Variants in KCNMA1 observed in about 807,000 individuals in gnomAD.
The protein encoded by KCNMA1 is potassium calcium-activated channel subfamily M alpha 1, also known as Calcium-activated potassium channel subunit alpha-1.
A neutral mutation model predicts 140.0 loss-of-function variants in KCNMA1; 29 were observed. The observed-to-expected ratio is 0.21, with a 90% confidence interval of 0.15 to 0.28. The LOEUF (loss-of-function observed/expected upper bound fraction) is 0.28, where lower values mean the gene tolerates loss of function less well. Among genes scored for constraint, KCNMA1 ranks in the 10% least tolerant of loss-of-function variants. The probability of loss-of-function intolerance (pLI) is 1.00; values close to 1 mark genes in which losing one functional copy is unlikely to be tolerated. For missense variants in KCNMA1, 880 were observed against 1,602.2 expected (o/e 0.55, Z 7.70); for synonymous variants, 612 against 611.9 (o/e 1.00, Z 0.00).
intron 2 of KCNMA1, among the ~76,000 whole-genome samples, chr10:77,287,220 A>G (rs181460573): frequency 2.6e-4 from 40 of 152,352 alleles, no homozygotes; most frequent in Admixed American, 2.1e-3. Flanking sequence ...CTCTCCGTGC[A>G]CTGAGACCCT....
At chr10:76,954,048 ATTC>A (rs2067242909) in intron 20 of KCNMA1, 124 bp from the exon 21 acceptor site, 4 of 1,079,310 alleles carry the variant, frequency 3.7e-6, no homozygotes, top group Admixed American at 4.0e-5. Flanking sequence ...ACTGAAGGCC[ATTC>A]TTCTGCTTAC....
intron 14 of KCNMA1, chr10:77,064,102 C>T (rs780448203): frequency 6.1e-6 from 6 of 985,306 alleles, no homozygotes; most frequent in Non-Finnish European, 6.0e-6. Context: ...TTTGTTCAGT[C>T]CATGCCAAGA....
intron 20 of KCNMA1, among the ~76,000 whole-genome samples, chr10:76,964,224 C>A (rs1471565182): frequency 3.9e-5 from 6 of 152,004 alleles, no homozygotes; most frequent in African/African-American, 1.4e-4. Flanking sequence ...TGTAGCCACC[C>A]TGGCAGAACT....
intron 9 of KCNMA1, among the ~76,000 whole-genome samples, chr10:77,093,020 C>A (rs1298018224): frequency 1.3e-5 from 2 of 152,144 alleles, no homozygotes; most frequent in African/African-American, 2.4e-5. Context: ...TATTCCAATG[C>A]AATCAATATT....
chr10:77,343,065 G>A (rs1448504492), intron 2 of KCNMA1, among the ~76,000 whole-genome samples: 1 of 152,032 alleles, frequency 6.6e-6, no homozygotes, highest in Non-Finnish European at 1.5e-5. Context: ...ATGTCTCCTG[G>A]GCTTAAGGAA....
chr10:77,225,781 A>T (rs1384566504), intron 3 of KCNMA1, among the ~76,000 whole-genome samples: 1 of 152,192 alleles, frequency 6.6e-6, no homozygotes, highest in African/African-American at 2.4e-5. Flanking sequence ...TGCCGAATGG[A>T]GGAGCGTGGC....
At position 77,466,178 on chromosome 10, in the gene KCNMA1, T is replaced by C. The variant is rs575584893; in HGVS notation, c.379-62155A>G. On this transcript the variant is annotated intron_variant, in intron 1 of 27. Coordinates refer to ENST00000286628, the MANE Select transcript of KCNMA1 (RefSeq NM_001161352.2). ...CCCTCACTCCTCGATCCTCAGTGCC[T>C]AGCATGGACTCTCCACACCCACTCT... Among the ~76,000 whole-genome samples the C allele has an allele frequency of 3.3e-5, 5 of 152,256 alleles. No homozygotes were observed. The South Asian group carries it at 1.0e-3, about 32-fold the overall frequency.
chr10:77,470,242 G>A (rs1211886601), intron 1 of KCNMA1, among the ~76,000 whole-genome samples: 4 of 152,136 alleles, frequency 2.6e-5, no homozygotes, highest in Admixed American at 6.5e-5. Context: ...CCTGAGACAT[G>A]TACTGTATTA....
chr10:77,434,673 G>T (rs1369769182), intron 1 of KCNMA1, among the ~76,000 whole-genome samples: 2 of 152,214 alleles, frequency 1.3e-5, no homozygotes, highest in Non-Finnish European at 2.9e-5. Context: ...ACGTCCAAGT[G>T]CCGGTGTCGA....
At position 77,589,716 on chromosome 10, in the gene KCNMA1, A is replaced by G. The variant is rs1431388574; in HGVS notation, c.378+47549T>C. 2.6e-5 allele frequency among the ~76,000 whole-genome samples: 4 copies of G among 151,998 alleles called. No individual in the cohort carries two copies. The East Asian group carries it at 5.8e-4, about 22-fold the overall frequency. ...GGAGTTTCTTCCTTCTGGTGGGTTCATGGTCTCGCTGGCTCAGGCAGGAGT... is the reference window on the plus strand; with the variant it reads ...GGAGTTTCTTCCTTCTGGTGGGTTCGTGGTCTCGCTGGCTCAGGCAGGAGT... On this transcript the variant is annotated intron_variant, in intron 1 of 27. Transcript: ENST00000286628.
chr10:77,626,089 C>T lies in KCNMA1; in HGVS notation c.378+11176G>A, dbSNP rs1192051873. 3.9e-5 allele frequency among the ~76,000 whole-genome samples: 6 copies of T among 152,000 alleles called. No homozygotes were observed. In the East Asian group the frequency reaches 1.2e-3, roughly 29 times the overall value. On this transcript the variant is annotated intron_variant, in intron 1 of 27. Coordinates refer to ENST00000286628, the MANE Select transcript of KCNMA1 (RefSeq NM_001161352.2). ...GTGTCCTTTTTGTTTAATGCCCCTG[C>T]ACGGCCTACGTTTTCTACAATGAAC...
chr10:77,115,487 GA>G, intron 6 of KCNMA1, among the ~76,000 whole-genome samples: 1 of 152,300 alleles, frequency 6.6e-6, no homozygotes, highest in African/African-American at 2.4e-5. Context: ...GCCTCTTAGG[GA>G]GGTGTGTGTT....
intron 23 of KCNMA1, among the ~76,000 whole-genome samples, chr10:76,943,073 A>G (rs1251704850): frequency 6.6e-6 from 1 of 152,170 alleles, no homozygotes; most frequent in African/African-American, 2.4e-5. Flanking sequence ...GAGAGGACAC[A>G]TATTGAAAGT....
chr10:77,569,732 A>G (rs2070137885), intron 1 of KCNMA1, among the ~76,000 whole-genome samples: 1 of 152,266 alleles, frequency 6.6e-6, no homozygotes. Context: ...CAAAATTGAC[A>G]GATGGGATCT....
chr10:76,954,344 G>T (rs2067395967), intron 20 of KCNMA1, among the ~76,000 whole-genome samples: 1 of 152,104 alleles, frequency 6.6e-6, no homozygotes, highest in Non-Finnish European at 1.5e-5. Context: ...CCTCGGCAAT[G>T]AAGAGGAAGG....
chr10:77,426,105 G>A (rs1375087907), intron 1 of KCNMA1, among the ~76,000 whole-genome samples: 2 of 152,180 alleles, frequency 1.3e-5, no homozygotes, highest in Non-Finnish European at 2.9e-5. Flanking sequence ...ATGAGCATAT[G>A]AGTCCCACTT....
At chr10:77,556,665 G>A (rs1339565717) in intron 1 of KCNMA1, among the ~76,000 whole-genome samples, 1 of 152,028 alleles carries the variant, frequency 6.6e-6, no homozygotes, top group Non-Finnish European at 1.5e-5. Flanking sequence ...TGGAAATATG[G>A]CCCAGACACA....
At chr10:77,526,738 T>G (rs1256466897) in intron 1 of KCNMA1, among the ~76,000 whole-genome samples, 1 of 152,212 alleles carries the variant, frequency 6.6e-6, no homozygotes, top group East Asian at 1.9e-4. Context: ...TTTTTCTACC[T>G]GTGAATGAAT....
chr10:77,015,381 C>G (rs2091822425), intron 17 of KCNMA1, among the ~76,000 whole-genome samples: 1 of 152,134 alleles, frequency 6.6e-6, no homozygotes, highest in South Asian at 2.1e-4. Context: ...AGGTGGCTTC[C>G]CCTTTCTTGC....
Sources: allele counts gnomAD v4.1 joint callset (sites outside exome capture counted in the v4.1 genomes callset), GRCh38; gene constraint gnomAD v4.1.1; transcripts MANE v1.5; gene names NCBI Gene and HGNC (gene_info 2026-07-23, HGNC 2026-07-21).